The following KCND2 variants were observed in gnomAD, a reference collection of about 807,000 sequenced individuals.
KCND2 encodes A-type voltage-gated potassium channel KCND2.
A neutral mutation model predicts 54.4 loss-of-function variants in KCND2; 16 were observed. The ratio of observed to expected loss-of-function variants is 0.29; its 90% CI spans 0.20 to 0.45. KCND2 has a LOEUF of 0.45. KCND2 is among the 20% of genes least tolerant of loss of function. The probability of loss-of-function intolerance (pLI) is 1.00; values close to 1 mark genes in which losing one functional copy is unlikely to be tolerated. For missense variants in KCND2, 486 were observed against 824.2 expected (o/e 0.59, Z 5.02); for synonymous variants, 317 against 310.7 (o/e 1.02, Z -0.21).
At chr7:120,392,667 C>T (rs1350017150) in intron 1 of KCND2, among the ~76,000 whole-genome samples, 1 of 151,742 alleles carries the variant, frequency 6.6e-6, no homozygotes, top group Non-Finnish European at 1.5e-5. Context: ...TTAATGAATT[C>T]AAATTTGTTT....
At position 120,624,780 on chromosome 7, in the gene KCND2, C is replaced by CAA. The variant is rs72112527; in HGVS notation, c.1116-108110_1116-108109dup. Among the ~76,000 whole-genome samples the CAA allele has an allele frequency of 3.6e-3, 445 of 121,984 alleles. 1 individual carries two copies. The highest frequency in any genetic ancestry group is 0.011 in the African/African-American group (383 of 35,980). The allele number at this position is 121,984 out of a possible 152,430, so 80.0% of individuals were successfully genotyped here. On this transcript the variant is annotated intron_variant, in intron 1 of 5. Coordinates refer to ENST00000331113, the MANE Select transcript of KCND2 (RefSeq NM_012281.3). ...TGAGTGATAAACTGAGACCCTGTCT[C>CAA]AAAAAAAAAAAAAATGGTGGTGGGA...
intron 1 of KCND2, among the ~76,000 whole-genome samples, chr7:120,702,851 T>C (rs1792420641): frequency 2.0e-5 from 3 of 152,138 alleles, no homozygotes; most frequent in East Asian, 3.9e-4. Context: ...AATACCTGAG[T>C]GACAAAATAA....
At chr7:120,305,441 G>C (rs1255299535) in intron 1 of KCND2, among the ~76,000 whole-genome samples, 1 of 152,038 alleles carries the variant, frequency 6.6e-6, no homozygotes, top group Non-Finnish European at 1.5e-5. Flanking sequence ...ATCTTCAACC[G>C]AGAGACAATG....
chr7:120,368,369 T>C (rs1409072593), intron 1 of KCND2, among the ~76,000 whole-genome samples: 1 of 151,808 alleles, frequency 6.6e-6, no homozygotes, highest in African/African-American at 2.4e-5. Context: ...TTTTTTTGTA[T>C]GGAAGCCCAA....
At chr7:120,510,650 T>C (rs1803099882) in intron 1 of KCND2, among the ~76,000 whole-genome samples, 1 of 152,088 alleles carries the variant, frequency 6.6e-6, no homozygotes, top group African/African-American at 2.4e-5. Flanking sequence ...ACAGATTCTC[T>C]ACCTAAGGAG....
chr7:120,543,300 A>AT (rs1792004369), intron 1 of KCND2, among the ~76,000 whole-genome samples: 1 of 150,102 alleles, frequency 6.7e-6, no homozygotes, highest in African/African-American at 2.5e-5. Flanking sequence ...GGGTTTCCTC[A>AT]TTTTTCCCCA....
At chr7:120,421,821 A>C (rs1801628698) in intron 1 of KCND2, among the ~76,000 whole-genome samples, 2 of 152,194 alleles carry the variant, frequency 1.3e-5, no homozygotes, top group Admixed American at 1.3e-4. Flanking sequence ...AGGCCCCTCC[A>C]TCCACAATCC....
At chr7:120,719,879 A>G (rs781455710) in intron 1 of KCND2, among the ~76,000 whole-genome samples, 6 of 152,162 alleles carry the variant, frequency 3.9e-5, no homozygotes, top group Admixed American at 1.3e-4. Flanking sequence ...GAAATGGTTT[A>G]TTCTAATTAA....
intron 1 of KCND2, among the ~76,000 whole-genome samples, chr7:120,433,123 C>T (rs914607036): frequency 3.3e-5 from 5 of 152,094 alleles, no homozygotes; most frequent in African/African-American, 9.7e-5. Flanking sequence ...TAATCCATAT[C>T]GTGTGGACGC....
At chr7:120,338,709 T>A (rs1800188832) in intron 1 of KCND2, among the ~76,000 whole-genome samples, 1 of 152,182 alleles carries the variant, frequency 6.6e-6, no homozygotes, top group African/African-American at 2.4e-5. Flanking sequence ...GATATGTTTT[T>A]AAATTTATTT....
chr7:120,729,785 T>C (rs2116135574), intron 1 of KCND2, among the ~76,000 whole-genome samples: 1 of 152,360 alleles, frequency 6.6e-6, no homozygotes, highest in East Asian at 1.9e-4. Flanking sequence ...GAAGGAATGT[T>C]GGATTATAAA....
intron 1 of KCND2, among the ~76,000 whole-genome samples, chr7:120,509,405 A>G (rs1477585173): frequency 6.6e-6 from 1 of 152,070 alleles, no homozygotes; most frequent in Non-Finnish European, 1.5e-5. Flanking sequence ...ATCTTTGTAA[A>G]TCTTCAATAC....
chr7:120,396,680 C>T (rs1254658871), intron 1 of KCND2, among the ~76,000 whole-genome samples: 1 of 151,172 alleles, frequency 6.6e-6, no homozygotes, highest in Non-Finnish European at 1.5e-5. Context: ...TGTGTGTGTG[C>T]ACATGTGAGT....
At chr7:120,646,689 T>TA (rs1180636707) in intron 1 of KCND2, among the ~76,000 whole-genome samples, 4 of 152,226 alleles carry the variant, frequency 2.6e-5, no homozygotes, top group Admixed American at 6.5e-5. Context: ...TAAGTTATTT[T>TA]AAAAAACTGT....
At chr7:120,614,021 T>A (rs2116490760) in intron 1 of KCND2, among the ~76,000 whole-genome samples, 1 of 152,146 alleles carries the variant, frequency 6.6e-6, no homozygotes, top group Non-Finnish European at 1.5e-5. Context: ...GTTGGATTTT[T>A]TTTTTTTTTT....
At chr7:120,519,582 A>G (rs1254776869) in intron 1 of KCND2, among the ~76,000 whole-genome samples, 1 of 152,128 alleles carries the variant, frequency 6.6e-6, no homozygotes, top group Non-Finnish European at 1.5e-5. Context: ...GAACTATCTG[A>G]TCCCACCTGT....
At chr7:120,531,570 T>G (rs1379119605) in intron 1 of KCND2, among the ~76,000 whole-genome samples, 1 of 152,134 alleles carries the variant, frequency 6.6e-6, no homozygotes, top group African/African-American at 2.4e-5. Flanking sequence ...CTGTTTCTAT[T>G]TATATTACTG....
At chr7:120,424,415 T>C (rs1801671619) in intron 1 of KCND2, among the ~76,000 whole-genome samples, 1 of 152,170 alleles carries the variant, frequency 6.6e-6, no homozygotes, top group Non-Finnish European at 1.5e-5. Context: ...TATCTAATGG[T>C]TTGTCAGATA....
At chr7:120,324,440 G>A (rs372015992) in intron 1 of KCND2, among the ~76,000 whole-genome samples, 14 of 144,472 alleles carry the variant, frequency 9.7e-5, no homozygotes, top group Non-Finnish European at 1.7e-4. Context: ...TAGGTCTAAC[G>A]TTTAAGTCTT....
Sources: gnomAD v4.1 joint callset for allele counts (sites outside exome capture counted in the v4.1 genomes callset) on GRCh38, gnomAD v4.1.1 for gene constraint, MANE v1.5 for transcripts, NCBI Gene and HGNC (gene_info 2026-07-23, HGNC 2026-07-21) for gene names.